The following SRPK2 variants were observed in gnomAD, a reference collection of about 807,000 sequenced individuals.
The protein encoded by SRPK2 is SRSF protein kinase 2.
In SRPK2, 21 loss-of-function variants were observed where a neutral mutation model predicts 90.8. The observed-to-expected ratio is 0.23, with a 90% CI of 0.16 to 0.33. SRPK2 has a LOEUF of 0.33. Among genes scored for constraint, SRPK2 ranks in the 10% least tolerant of loss-of-function variants. The pLI is 1.00. For synonymous variants in SRPK2, 288 were observed against 311.1 expected, an observed-to-expected ratio of 0.93 and a Z score of 0.78; for missense variants, 620 against 869.0, an observed-to-expected ratio of 0.71 and a Z score of 3.60.
intron 2 of SRPK2, among the ~76,000 whole-genome samples, chr7:105,278,938 G>C (rs547824070): frequency 9.2e-5 from 14 of 152,004 alleles, no homozygotes; most frequent in African/African-American, 3.1e-4. Flanking sequence ...ATCAACACTT[G>C]GTATAATCTT....
chr7:105,313,689 T>G (rs1811988165), intron 2 of SRPK2, among the ~76,000 whole-genome samples: 1 of 151,940 alleles, frequency 6.6e-6, no homozygotes, highest in Non-Finnish European at 1.5e-5. Context: ...AGGCGGAGGT[T>G]GCAGTCAGCA....
At chr7:105,387,963 T>C (rs1198553577) in intron 2 of SRPK2, among the ~76,000 whole-genome samples, 5 of 152,180 alleles carry the variant, frequency 3.3e-5, no homozygotes, top group African/African-American at 1.2e-4. Context: ...CCCACCGCCC[T>C]GCGCAGCCCG....
At chr7:105,265,583 TAAGA>T (rs1230012739) in intron 2 of SRPK2, among the ~76,000 whole-genome samples, 1 of 152,138 alleles carries the variant, frequency 6.6e-6, no homozygotes. Flanking sequence ...GTGCTCTAGC[TAAGA>T]AAGGGCAAAA....
chr7:105,373,468 T>C (rs183124863), intron 2 of SRPK2, among the ~76,000 whole-genome samples: 6 of 149,668 alleles, frequency 4.0e-5, no homozygotes, highest in African/African-American at 1.5e-4. Flanking sequence ...AGCGGCATGA[T>C]CTTGGCTCAC....
At chr7:105,211,675 C>A (rs961976957) in intron 2 of SRPK2, among the ~76,000 whole-genome samples, 3 of 152,124 alleles carry the variant, frequency 2.0e-5, no homozygotes, top group Non-Finnish European at 1.5e-5. Flanking sequence ...CAATCACCTC[C>A]CACCAGGTAC....
At chr7:105,396,362 C>A (rs116603353) in intron 1 of SRPK2, among the ~76,000 whole-genome samples, 1 of 150,940 alleles carries the variant, frequency 6.6e-6, no homozygotes, top group South Asian at 2.1e-4. Flanking sequence ...GATAGCCAGG[C>A]GTGGTGGCTT....
At chr7:105,363,583 G>A (rs548237609) in intron 2 of SRPK2, among the ~76,000 whole-genome samples, 1 of 152,312 alleles carries the variant, frequency 6.6e-6, no homozygotes, top group South Asian at 2.1e-4. Context: ...GTTGGTGGGA[G>A]TGTAAATTAG....
intron 3 of SRPK2, among the ~76,000 whole-genome samples, chr7:105,175,721 G>T (rs1791754513): frequency 6.6e-6 from 1 of 151,924 alleles, no homozygotes; most frequent in Non-Finnish European, 1.5e-5. Context: ...TAAAAAGATA[G>T]AAGGGAATAT....
upstream of SRPK2, among the ~76,000 whole-genome samples, chr7:105,390,000 C>T (rs957752246): frequency 3.9e-5 from 6 of 152,236 alleles, no homozygotes; most frequent in African/African-American, 1.2e-4. Context: ...AGAAAAGTTA[C>T]AAGGAAAATA....
intron 9 of SRPK2, among the ~76,000 whole-genome samples, chr7:105,144,740 A>T (rs1021644391): frequency 9.8e-5 from 15 of 152,330 alleles, no homozygotes; most frequent in Middle Eastern, 3.4e-3. Flanking sequence ...TGGCCACCAT[A>T]GTCCAGAAAA....
intron 2 of SRPK2, among the ~76,000 whole-genome samples, chr7:105,364,405 G>GAGTTTTTTTTTTTTTTTT (rs572930883): frequency 8.2e-5 from 11 of 133,906 alleles, no homozygotes; most frequent in African/African-American, 3.0e-4. Flanking sequence ...CGTGTGTAAC[G>GAGTTTTTTTTTTTTTTTT]TTTTTTTTTT....
chr7:105,372,070 G>C (rs899507962), intron 2 of SRPK2, among the ~76,000 whole-genome samples: 3 of 150,962 alleles, frequency 2.0e-5, no homozygotes, highest in African/African-American at 7.3e-5. Flanking sequence ...GGAAGGCGGA[G>C]GCCGCAGTGA....
intron 2 of SRPK2, among the ~76,000 whole-genome samples, chr7:105,347,020 T>C (rs533301527): frequency 2.6e-5 from 4 of 151,580 alleles, no homozygotes; most frequent in Admixed American, 6.6e-5. Context: ...ATAAAATTAA[T>C]ATAAATTAAT....
intron 2 of SRPK2, among the ~76,000 whole-genome samples, chr7:105,327,838 T>C (rs1445735270): frequency 6.6e-6 from 1 of 152,234 alleles, no homozygotes. Context: ...TCTCGCTCTG[T>C]CACCCAGGCT....
Position 105,143,254 on chromosome 7 carries a change from C to G in SRPK2, c.890G>C (p.Arg297Pro). Residue 297 changes from arginine to proline, a missense_variant, in exon 10 of 16, where the codon CGC (arginine) becomes CCC (proline). Arg to Pro is a moderately radical substitution (Grantham distance 103, BLOSUM62 -2). Coordinates refer to ENST00000393651, the MANE Select transcript of SRPK2 (RefSeq NM_182692.3). Reference protein sequence around the residue: ...QKRQAELLEKRLQEIEELERE... With the variant: ...QKRQAELLEKPLQEIEELERE... The stretch of plus-strand genomic sequence containing the variant: ...CTCCAATTCTTCTATCTCCTGCAGG[C>G]GCTTCTCCAATAACTCAGCCTGCCT... The G allele has an allele frequency of 6.2e-7, 1 of 1,614,152 alleles. No individual in the cohort carries two copies.
chr7:105,372,474 G>A (rs1819815103), intron 2 of SRPK2, among the ~76,000 whole-genome samples: 5 of 152,096 alleles, frequency 3.3e-5, no homozygotes, highest in Admixed American at 3.3e-4. Context: ...CTTATACTGA[G>A]CTATATAAAG....
chr7:105,317,210 A>C (rs1016853420), intron 2 of SRPK2, among the ~76,000 whole-genome samples: 1 of 152,238 alleles, frequency 6.6e-6, no homozygotes, highest in Non-Finnish European at 1.5e-5. Flanking sequence ...ATGGTGGATT[A>C]AGCTGCTGGC....
chr7:105,178,712 C>T (rs1337541388), intron 3 of SRPK2, among the ~76,000 whole-genome samples: 3 of 152,000 alleles, frequency 2.0e-5, no homozygotes, highest in African/African-American at 7.3e-5. Context: ...ATCCCAGCTA[C>T]TCCGAAGGAT....
chr7:105,310,620 G>C (rs1279191182), intron 2 of SRPK2, among the ~76,000 whole-genome samples: 1 of 150,848 alleles, frequency 6.6e-6, no homozygotes, highest in Non-Finnish European at 1.5e-5. Context: ...TCCAGCCCGG[G>C]TTAACATAGT....
Sources: gnomAD v4.1 joint callset for allele counts (sites outside exome capture counted in the v4.1 genomes callset) on GRCh38, gnomAD v4.1.1 for gene constraint, MANE v1.5 for transcripts, NCBI Gene and HGNC (gene_info 2026-07-23, HGNC 2026-07-21) for gene names.